CHCHD6: variants seen among roughly 807,000 people sequenced by gnomAD.
The protein encoded by CHCHD6 is coiled-coil-helix-coiled-coil-helix domain containing 6.
In CHCHD6, 28 loss-of-function variants were observed where a neutral mutation model predicts 32.3. The observed-to-expected ratio is 0.87, with a 90% CI of 0.64 to 1.19. The LOEUF (loss-of-function observed/expected upper bound fraction) is 1.19. Among genes scored for constraint, CHCHD6 ranks in the 50% most tolerant of loss-of-function variants. CHCHD6 has a pLI of 0.00. For missense variants in CHCHD6, 333 were observed against 307.0 expected (o/e 1.08, Z -0.63); for synonymous variants, 122 against 117.5 (o/e 1.04, Z -0.25).
chr3:126,885,503 C>T (rs1201989824), intron 5 of CHCHD6, among the ~76,000 whole-genome samples: 26 of 152,146 alleles, frequency 1.7e-4, no homozygotes, highest in Non-Finnish European at 7.3e-5. Flanking sequence ...TTAAAACATG[C>T]ATTTCAAAAT....
intron 4 of CHCHD6, among the ~76,000 whole-genome samples, chr3:126,808,981 T>TC (rs1939537594): frequency 1.3e-5 from 2 of 151,800 alleles, no homozygotes; most frequent in Non-Finnish European, 1.5e-5. Context: ...TCTTTTTTTT[T>TC]TCTTTTTTGA....
At chr3:126,744,322 G>A (rs1175188141) in intron 4 of CHCHD6, among the ~76,000 whole-genome samples, 1 of 152,218 alleles carries the variant, frequency 6.6e-6, no homozygotes, top group African/African-American at 2.4e-5. Flanking sequence ...TTGTCAAGCC[G>A]ATTGTGTTTG....
chr3:126,859,081 A>G (rs1027547978), intron 5 of CHCHD6, among the ~76,000 whole-genome samples: 1 of 152,250 alleles, frequency 6.6e-6, no homozygotes, highest in African/African-American at 2.4e-5. Context: ...TTCATCGCCA[A>G]GGGCTGAGGA....
At chr3:126,939,289 C>G (rs891426989) in intron 6 of CHCHD6, among the ~76,000 whole-genome samples, 3 of 152,152 alleles carry the variant, frequency 2.0e-5, no homozygotes, top group Non-Finnish European at 2.9e-5. Flanking sequence ...AGTGTCTGAG[C>G]TTTGAAATGA....
At chr3:126,880,318 A>C (rs537799072) in intron 5 of CHCHD6, among the ~76,000 whole-genome samples, 1 of 152,262 alleles carries the variant, frequency 6.6e-6, no homozygotes, top group East Asian at 1.9e-4. Flanking sequence ...CCTGCAGGGC[A>C]GCAGGACCGG....
chr3:126,863,688 C>CTCT (rs2107561230), intron 5 of CHCHD6, among the ~76,000 whole-genome samples: 1 of 145,644 alleles, frequency 6.9e-6, no homozygotes, highest in South Asian at 2.3e-4. Context: ...CCTCCTCCTC[C>CTCT]ACCATCACCA....
At chr3:126,772,478 C>G (rs1937561685) in intron 4 of CHCHD6, among the ~76,000 whole-genome samples, 1 of 152,192 alleles carries the variant, frequency 6.6e-6, no homozygotes, top group Non-Finnish European at 1.5e-5. Context: ...AAATTGAACT[C>G]TTTACCATTG....
chr3:126,856,735 G>A (rs954875407), intron 5 of CHCHD6, among the ~76,000 whole-genome samples: 1 of 152,200 alleles, frequency 6.6e-6, no homozygotes, highest in Non-Finnish European at 1.5e-5. Flanking sequence ...GACCCTGAGA[G>A]CCCATGGAGT....
chr3:126,779,419 C>T (rs891446832), intron 4 of CHCHD6, among the ~76,000 whole-genome samples: 1 of 151,896 alleles, frequency 6.6e-6, no homozygotes. Context: ...TGCCTGTACT[C>T]CCAGCTACTC....
chr3:126,872,901 G>T (rs1187857869), intron 5 of CHCHD6, among the ~76,000 whole-genome samples: 2 of 152,186 alleles, frequency 1.3e-5, no homozygotes, highest in East Asian at 3.8e-4. Context: ...CCTCTGTTGT[G>T]GCCTAAGGCA....
In CHCHD6 at chr3:126,772,258, C is replaced by T. The variant is rs567376422; in HGVS notation, c.411+39036C>T. On this transcript the variant is annotated intron_variant, in intron 4 of 7. Transcript: ENST00000290913. ...CTGGGACTACAGGTGCCCGCAACCA[C>T]GCCTGGCTGATTTTTTGTATTTTTA... Among the ~76,000 whole-genome samples, 126 of 152,218 alleles carry T rather than the reference C, an allele frequency of 8.3e-4. 1 individual carries two copies. The highest frequency in any genetic ancestry group is 3.4e-3 in the Middle Eastern group (1 of 294).
intron 4 of CHCHD6, among the ~76,000 whole-genome samples, chr3:126,761,287 G>A (rs768802359): frequency 6.6e-6 from 1 of 152,140 alleles, no homozygotes; most frequent in Non-Finnish European, 1.5e-5. Context: ...GAGAGGTCCA[G>A]CTTCTCCACA....
chr3:126,806,170 G>T (rs1001534564), intron 4 of CHCHD6, among the ~76,000 whole-genome samples: 3 of 151,840 alleles, frequency 2.0e-5, no homozygotes, highest in Non-Finnish European at 4.4e-5. Context: ...AACACCAAAA[G>T]CAATGGCAAC....
chr3:126,807,237 A>G (rs983776671), intron 4 of CHCHD6, among the ~76,000 whole-genome samples: 1 of 152,138 alleles, frequency 6.6e-6, no homozygotes, highest in Non-Finnish European at 1.5e-5. Flanking sequence ...CAGCCTCCAT[A>G]GTCCCAAACA....
chr3:126,872,039 A>T (rs368927458), intron 5 of CHCHD6, among the ~76,000 whole-genome samples: 11 of 152,126 alleles, frequency 7.2e-5, no homozygotes, highest in African/African-American at 2.7e-4. Flanking sequence ...TATCTCTCTT[A>T]TGTCTTCCCC....
intron 5 of CHCHD6, among the ~76,000 whole-genome samples, chr3:126,909,310 T>G (rs2078050494): frequency 6.6e-6 from 1 of 152,240 alleles, no homozygotes; most frequent in Non-Finnish European, 1.5e-5. Context: ...CTCAGACCTC[T>G]GGGCCCCATG....
chr3:126,730,422 C>T (rs1935738964), intron 2 of CHCHD6, 139 bp from the exon 3 acceptor site: 1 of 677,184 alleles, frequency 1.5e-6, no homozygotes, highest in Non-Finnish European at 2.6e-6. Context: ...TGTGGACGCT[C>T]CTTTGTGGGG....
chr3:126,758,303 C>T (rs1937037393), intron 4 of CHCHD6, among the ~76,000 whole-genome samples: 1 of 152,236 alleles, frequency 6.6e-6, no homozygotes, highest in African/African-American at 2.4e-5. Flanking sequence ...TTCTGCAACT[C>T]CATTAACCAT....
At chr3:126,812,297 AG>A (rs1939688778) in intron 4 of CHCHD6, among the ~76,000 whole-genome samples, 1 of 141,484 alleles carries the variant, frequency 7.1e-6, no homozygotes, top group Non-Finnish European at 1.5e-5. Context: ...GCCTGATCAG[AG>A]TCTTTAGTCC....
Sources: allele counts gnomAD v4.1 joint callset (sites outside exome capture counted in the v4.1 genomes callset), GRCh38; gene constraint gnomAD v4.1.1; transcripts MANE v1.5; gene names NCBI Gene and HGNC (gene_info 2026-07-23, HGNC 2026-07-21).